The following NDST4 variants were observed in gnomAD, a reference collection of about 807,000 sequenced individuals.
NDST4 encodes N-deacetylase and N-sulfotransferase 4.
Under a neutral mutation model 100.8 loss-of-function variants are expected in NDST4, and 63 were observed. The ratio of observed to expected loss-of-function variants is 0.62; its 90% CI spans 0.51 to 0.77. The LOEUF is 0.77. Ranked by LOEUF, NDST4 falls within the 30% of genes least tolerant of loss-of-function variation. The pLI is 0.00. For missense variants in NDST4, 943 were observed against 1,018.4 expected, an observed-to-expected ratio of 0.93 and a Z score of 1.01; for synonymous variants, 377 against 361.8, an observed-to-expected ratio of 1.04 and a Z score of -0.48.
intron 6 of NDST4, among the ~76,000 whole-genome samples, chr4:114,911,781 C>T (rs1725068639): frequency 6.6e-6 from 1 of 152,148 alleles, no homozygotes; most frequent in Non-Finnish European, 1.5e-5. Context: ...AACAAACTTT[C>T]ATGATCTCCT....
At chr4:114,937,552 C>T in intron 4 of NDST4, 49 bp from the exon 5 acceptor site, 1 of 1,409,174 alleles carries the variant, frequency 7.1e-7, no homozygotes, top group Non-Finnish European at 9.6e-7. Flanking sequence ...CCAATTAATT[C>T]AGTGAAAATC....
At chr4:115,056,188 C>T (rs1315139009) in intron 2 of NDST4, among the ~76,000 whole-genome samples, 3 of 151,874 alleles carry the variant, frequency 2.0e-5, no homozygotes, top group Non-Finnish European at 4.4e-5. Context: ...CTCATCTCTA[C>T]AAAAGATATA....
intron 2 of NDST4, among the ~76,000 whole-genome samples, chr4:115,028,950 C>A (rs1266423991): frequency 6.6e-6 from 1 of 151,876 alleles, no homozygotes; most frequent in Non-Finnish European, 1.5e-5. Context: ...TAGCTAAGAG[C>A]CTAAAGGCAG....
chr4:114,853,432 A>G (rs1182297972), intron 7 of NDST4, among the ~76,000 whole-genome samples: 1 of 152,140 alleles, frequency 6.6e-6, no homozygotes, highest in Non-Finnish European at 1.5e-5. Context: ...CAACATACCC[A>G]ATGTATCCAT....
intron 10 of NDST4, among the ~76,000 whole-genome samples, chr4:114,844,890 A>G (rs913850506): frequency 1.1e-4 from 17 of 152,208 alleles, no homozygotes; most frequent in African/African-American, 4.1e-4. Flanking sequence ...ACATCACTAA[A>G]AGATCTTTAC....
chr4:115,071,597 T>A (rs1194005803), intron 2 of NDST4, among the ~76,000 whole-genome samples: 1 of 152,130 alleles, frequency 6.6e-6, no homozygotes, highest in Non-Finnish European at 1.5e-5. Context: ...TTAAAATACC[T>A]ATTGAACACC....
intron 2 of NDST4, among the ~76,000 whole-genome samples, chr4:115,042,864 T>C (rs28623688): frequency 0.019 from 2,875 of 152,218 alleles, 94 homozygotes; most frequent in African/African-American, 0.066. Context: ...ATTTATTTAA[T>C]AATGTTACAA....
chr4:115,068,641 C>CAAAAAAAAAAA (rs368916587), intron 2 of NDST4, among the ~76,000 whole-genome samples: 1 of 138,186 alleles, frequency 7.2e-6, no homozygotes. Context: ...ACCCCATCTC[C>CAAAAAAAAAAA]AAAAAAAAAA....
chr4:114,941,664 G>A (rs1353995900), intron 4 of NDST4, among the ~76,000 whole-genome samples: 1 of 152,110 alleles, frequency 6.6e-6, no homozygotes, highest in East Asian at 1.9e-4. Flanking sequence ...CCATTTGCAG[G>A]GCAGCAGCAG....
At chr4:114,892,659 AAG>A (rs575397346) in intron 6 of NDST4, among the ~76,000 whole-genome samples, 249 of 152,194 alleles carry the variant, frequency 1.6e-3, no homozygotes, top group African/African-American at 5.6e-3. Flanking sequence ...TACCGGAGAT[AAG>A]AGGGGCCCAA....
intron 6 of NDST4, among the ~76,000 whole-genome samples, chr4:114,874,952 A>T (rs191345887): frequency 1.2e-3 from 185 of 152,288 alleles, no homozygotes; most frequent in Non-Finnish European, 2.0e-3. Context: ...GTATGACAGT[A>T]CTACATGGAT....
chr4:115,108,497 C>G (rs1220258494), intron 1 of NDST4, among the ~76,000 whole-genome samples: 2 of 151,698 alleles, frequency 1.3e-5, no homozygotes, highest in Non-Finnish European at 2.9e-5. Flanking sequence ...TGTTAATATC[C>G]TTAAACTACT....
chr4:115,075,554 A>G (rs960797140), intron 2 of NDST4, among the ~76,000 whole-genome samples: 1 of 152,146 alleles, frequency 6.6e-6, no homozygotes, highest in African/African-American at 2.4e-5. Flanking sequence ...TGGAAGGTCA[A>G]GGCGGGTGGA....
intron 1 of NDST4, among the ~76,000 whole-genome samples, chr4:115,102,353 A>T (rs1366533895): frequency 3.3e-5 from 5 of 152,174 alleles, no homozygotes; most frequent in Non-Finnish European, 7.3e-5. Context: ...TTATGCATAA[A>T]TAAAGGAGAG....
intron 1 of NDST4, among the ~76,000 whole-genome samples, chr4:115,089,180 T>C (rs958080988): frequency 6.6e-6 from 1 of 152,046 alleles, no homozygotes; most frequent in Non-Finnish European, 1.5e-5. Context: ...AGGTGGTGGA[T>C]GGAAGGAGTC....
chr4:115,065,419 C>A (rs888219346), intron 2 of NDST4, among the ~76,000 whole-genome samples: 1 of 152,088 alleles, frequency 6.6e-6, no homozygotes, highest in Non-Finnish European at 1.5e-5. Context: ...ATAGATAGTT[C>A]TGGGTTTGTT....
At chr4:114,833,468 G>T in intron 12 of NDST4, 138 bp downstream of exon 12, 1 of 630,190 alleles carries the variant, frequency 1.6e-6, no homozygotes, top group South Asian at 2.0e-5. Flanking sequence ...GATTGATGAG[G>T]ATATTCCTTT....
At chr4:115,089,077 C>T (rs1729462190) in intron 1 of NDST4, among the ~76,000 whole-genome samples, 1 of 152,046 alleles carries the variant, frequency 6.6e-6, no homozygotes, top group African/African-American at 2.4e-5. Flanking sequence ...GCCAAAACAA[C>T]AATAACCATA....
At chr4:115,109,759 G>A (rs1020043607) in intron 1 of NDST4, among the ~76,000 whole-genome samples, 4 of 151,836 alleles carry the variant, frequency 2.6e-5, no homozygotes, top group African/African-American at 9.7e-5. Context: ...AATAGCCTAT[G>A]TATGTAAATG....
Sources: allele counts gnomAD v4.1 joint callset (sites outside exome capture counted in the v4.1 genomes callset), GRCh38; gene constraint gnomAD v4.1.1; transcripts MANE v1.5; gene names NCBI Gene and HGNC (gene_info 2026-07-23, HGNC 2026-07-21).